USH2A: variants seen among roughly 807,000 people sequenced by gnomAD.
The protein encoded by USH2A is Usher syndrome 2A (autosomal recessive, mild).
A neutral mutation model predicts 538.9 loss-of-function variants in USH2A; 443 were observed. The observed-to-expected ratio is 0.82, with a 90% CI of 0.76 to 0.89. The LOEUF is 0.89. Ranked by LOEUF, USH2A falls within the 40% of genes least tolerant of loss-of-function variation. The probability of loss-of-function intolerance (pLI) is 0.00; values close to 1 mark genes in which losing one functional copy is unlikely to be tolerated. For synonymous variants in USH2A, 2,413 were observed against 2,273.5 expected, an observed-to-expected ratio of 1.06 and a Z score of -1.75; for missense variants, 6,633 against 6,324.8, an observed-to-expected ratio of 1.05 and a Z score of -1.65.
At chr1:215,772,377 C>T (rs1262894859) in intron 55 of USH2A, among the ~76,000 whole-genome samples, 1 of 152,150 alleles carries the variant, frequency 6.6e-6, no homozygotes, top group African/African-American at 2.4e-5. Flanking sequence ...TACAGAAAGG[C>T]AAACACATGG....
At chr1:216,097,531 T>C (rs1168177540) in intron 21 of USH2A, among the ~76,000 whole-genome samples, 2 of 152,170 alleles carry the variant, frequency 1.3e-5, no homozygotes, top group African/African-American at 4.8e-5. Context: ...GTGAAAACAT[T>C]ATCAGAGAGT....
At chr1:215,857,409 C>T (rs1460150031) in intron 44 of USH2A, among the ~76,000 whole-genome samples, 2 of 152,110 alleles carry the variant, frequency 1.3e-5, no homozygotes, top group Non-Finnish European at 2.9e-5. Flanking sequence ...TAAAGGGTTG[C>T]AGCCTGCAGG....
intron 61 of USH2A, among the ~76,000 whole-genome samples, chr1:215,699,389 A>T (rs1336816136): frequency 1.3e-5 from 2 of 152,196 alleles, no homozygotes; most frequent in African/African-American, 4.8e-5. Context: ...GTAGCATTGA[A>T]TCTATAAATT....
chr1:215,879,119 A>G lies in USH2A; in HGVS notation c.8224-21T>C, dbSNP rs139189199. 42 of 1,600,206 alleles carry G rather than the reference A, an allele frequency of 2.6e-5. No individual in the cohort carries two copies. In the African/African-American group the frequency reaches 4.1e-4, roughly 16 times the overall value. On this transcript the variant is annotated intron_variant, in intron 41 of 71. Transcript: ENST00000307340. Reference sequence around the variant, plus strand: ...GTGACCTGAAATGAAAGATAAACTTAGAATCAGTGTGACGATACAGGAATA... The same window carrying G: ...GTGACCTGAAATGAAAGATAAACTTGGAATCAGTGTGACGATACAGGAATA...
At chr1:216,379,653 G>T (rs912752895) in intron 3 of USH2A, among the ~76,000 whole-genome samples, 1 of 152,120 alleles carries the variant, frequency 6.6e-6, no homozygotes, top group East Asian at 1.9e-4. Flanking sequence ...ATTTCCCAAG[G>T]ATTTCTCTGA....
At chr1:215,898,735 T>G (rs1665411606) in intron 40 of USH2A, among the ~76,000 whole-genome samples, 1 of 152,232 alleles carries the variant, frequency 6.6e-6, no homozygotes, top group South Asian at 2.1e-4. Context: ...TATCTTCAGT[T>G]GTTTCAAATG....
chr1:215,675,169 G>T lies in USH2A; in HGVS notation c.12742C>A (p.His4248Asn), dbSNP rs372137776. The change falls in exon 63 of 72, where the codon CAT becomes AAT. Residue 4248 changes from histidine to asparagine, a missense_variant. By Grantham distance (68) the His-to-Asn change is moderately conservative. Transcript: ENST00000307340. ...ACCACATTCCAAGAGCTACAGGTAT[G>T]CCCAGCTGAATTCCAAGTGTAGATT... The part of the protein sequence containing the change: ...YKIYTWNSAG[H>N]TCSSWNVVRT... The T allele has an allele frequency of 3.0e-5, 49 of 1,613,956 alleles. No individual in the cohort carries two copies. The highest frequency in any genetic ancestry group is 3.8e-5 in the Non-Finnish European group (45 of 1,180,022).
chr1:216,041,461 C>G (rs1399332548), intron 32 of USH2A, among the ~76,000 whole-genome samples: 1 of 152,068 alleles, frequency 6.6e-6, no homozygotes, highest in Non-Finnish European at 1.5e-5. Flanking sequence ...TTGTGCCCCC[C>G]ATGGCAGCAA....
intron 4 of USH2A, among the ~76,000 whole-genome samples, chr1:216,342,617 G>A (rs1340898841): frequency 1.3e-5 from 2 of 152,120 alleles, no homozygotes; most frequent in African/African-American, 2.4e-5. Flanking sequence ...ACTGGATAAA[G>A]AGAATGTGGT....
At position 216,278,555 on chromosome 1, in the gene USH2A, G is replaced by A. The variant is rs187119857; in HGVS notation, c.1971+10725C>T. Among the ~76,000 whole-genome samples the A allele has an allele frequency of 2.8e-4, 42 of 152,284 alleles. No homozygotes were observed. In the East Asian group the frequency reaches 6.4e-3, roughly 23 times the overall value. ...CCTAATTCTCTGAAGGAGAGACCACGTGGCTTGTGCCAAGACCTTTCTGTC... is the reference window on the plus strand; with the variant it reads ...CCTAATTCTCTGAAGGAGAGACCACATGGCTTGTGCCAAGACCTTTCTGTC... On this transcript the variant is annotated intron_variant, in intron 11 of 71. Transcript: ENST00000307340.
intron 4 of USH2A, among the ~76,000 whole-genome samples, chr1:216,342,146 A>G (rs1413853992): frequency 6.6e-6 from 1 of 152,132 alleles, no homozygotes; most frequent in African/African-American, 2.4e-5. Flanking sequence ...AAACAAATGT[A>G]CAAGAAGAAA....
chr1:216,074,255 A>ACT (rs1218976448), intron 27 of USH2A, among the ~76,000 whole-genome samples: 1 of 152,052 alleles, frequency 6.6e-6, no homozygotes, highest in African/African-American at 2.4e-5. Context: ...GTCTGGCAGT[A>ACT]CTCTGCGCAG....
intron 21 of USH2A, among the ~76,000 whole-genome samples, chr1:216,162,596 C>T (rs1157778275): frequency 1.3e-5 from 2 of 152,052 alleles, no homozygotes; most frequent in African/African-American, 2.4e-5. Context: ...ATTACCTCGA[C>T]CTTACTCAGC....
rs542016661 is a variant in USH2A, at chr1:216,083,521, T to C, written c.5233A>G (p.Arg1745Gly). Residue 1745 changes from arginine to glycine, a missense_variant, in exon 26 of 72, where the codon AGA becomes GGA. Physicochemically the swap from Arg to Gly is moderately radical, Grantham distance 125. Coordinates refer to ENST00000307340, the MANE Select transcript of USH2A (RefSeq NM_206933.4). ...AGCAATCCATTTAATTGGTCAGTTC[T>C]GAACTTAAAGGAAATCTCAAAGTTC... ...GMNFEISFKF[R>G]TDQLNGLLLF... 2 of 1,612,608 alleles carry C rather than the reference T, an allele frequency of 1.2e-6. No individual in the cohort carries two copies. The highest frequency in any genetic ancestry group is 1.3e-5 in the African/African-American group (1 of 74,964).
At chr1:216,150,023 C>T (rs1361193293) in intron 21 of USH2A, among the ~76,000 whole-genome samples, 2 of 152,086 alleles carry the variant, frequency 1.3e-5, no homozygotes, top group Non-Finnish European at 2.9e-5. Flanking sequence ...CCTAATACAT[C>T]CCTTCATTCT....
intron 20 of USH2A, among the ~76,000 whole-genome samples, chr1:216,176,248 G>C (rs1204251759): frequency 2.0e-5 from 3 of 151,664 alleles, no homozygotes; most frequent in African/African-American, 7.3e-5. Flanking sequence ...TTTTAGAGAT[G>C]GAGTCTCACA....
Position 215,650,751 on chromosome 1 carries a change from G to A in USH2A, c.14184C>T (p.Cys4728=), listed in dbSNP as rs200934092. Residue 4728 remains cysteine (C), a synonymous_variant, in exon 65 of 72, where the codon TGC becomes TGT. Transcript: ENST00000307340. ...CTTCTGGTGGGGCTGGCCCGGTTCT[G>A]CACCATGTCCAGCTACTGGGGGCTT... ...AGKAPSSWTW[C]RTGPAPPEGL... The A allele has an allele frequency of 6.6e-5, 106 of 1,613,238 alleles. No homozygotes were observed. In the Middle Eastern group the frequency reaches 6.6e-4, roughly 10 times the overall value.
chr1:216,104,149 G>A (rs774292614), intron 21 of USH2A, among the ~76,000 whole-genome samples: 4 of 151,670 alleles, frequency 2.6e-5, no homozygotes, highest in Non-Finnish European at 5.9e-5. Context: ...TATGTGTCAT[G>A]TTGGTGTGCT....
At position 215,674,762 on chromosome 1, in the gene USH2A, A is replaced by G; in HGVS notation, c.13149T>C (p.Asn4383=). The G allele has an allele frequency of 1.2e-6, 2 of 1,613,992 alleles. No individual in the cohort carries two copies. The part of the protein sequence containing the change: ...NVCWSPPTVQ[N]GKITKYLVRY... ...TAACTAAATATTTAGTAATCTTTCC[A>G]TTTTGCACTGTGGGCGGTGACCAAC... is the stretch of plus-strand genomic sequence containing the variant. Residue 4383 remains asparagine (N), a synonymous_variant, in exon 63 of 72, where the codon AAT becomes AAC. Transcript: ENST00000307340.
Sources: gnomAD v4.1 joint callset for allele counts (sites outside exome capture counted in the v4.1 genomes callset) on GRCh38, gnomAD v4.1.1 for gene constraint, MANE v1.5 for transcripts, NCBI Gene and HGNC (gene_info 2026-07-23, HGNC 2026-07-21) for gene names.